ATP6V0D1: variants seen among roughly 807,000 people sequenced by gnomAD.
ATP6V0D1 encodes the protein ATPase H+ transporting V0 subunit d1.
In ATP6V0D1, 13 loss-of-function variants were observed where a neutral mutation model predicts 39.0. That is an observed-to-expected ratio of 0.33 (90% CI 0.22 to 0.53). The LOEUF (loss-of-function observed/expected upper bound fraction) is 0.53. Ranked by LOEUF, ATP6V0D1 falls within the 20% of genes least tolerant of loss-of-function variation. ATP6V0D1 has a pLI of 0.94. For synonymous variants in ATP6V0D1, 191 were observed against 191.2 expected (o/e 1.00, Z 0.01); for missense variants, 272 against 470.9 (o/e 0.58, Z 3.91).
intron 2 of ATP6V0D1, chr16:67,452,430 C>A (rs955430276): frequency 2.9e-5 from 44 of 1,532,406 alleles, no homozygotes; most frequent in Non-Finnish European, 3.8e-5. Flanking sequence ...CTCCTAACTG[C>A]AGGGGATAAG....
At chr16:67,477,608 ATTAC>A (rs2041426213) in intron 1 of ATP6V0D1, among the ~76,000 whole-genome samples, 1 of 152,108 alleles carries the variant, frequency 6.6e-6, no homozygotes, top group South Asian at 2.1e-4. Flanking sequence ...TTAGATGATT[ATTAC>A]TTAGGGGCTC....
chr16:67,472,788 TGAACCCAGGAG>T (rs1268481622), intron 1 of ATP6V0D1, among the ~76,000 whole-genome samples: 2 of 152,066 alleles, frequency 1.3e-5, no homozygotes, highest in African/African-American at 4.8e-5. Flanking sequence ...GAGAATGGCG[TGAACCCAGGAG>T]GCGGAGCTTG....
At chr16:67,462,138 C>G (rs970060561) in intron 1 of ATP6V0D1, among the ~76,000 whole-genome samples, 18 of 152,166 alleles carry the variant, frequency 1.2e-4, no homozygotes, top group Non-Finnish European at 2.1e-4. Flanking sequence ...GCCTGGACAG[C>G]CCGTCACCAG....
At position 67,447,627 on chromosome 16, in the gene ATP6V0D1, C is replaced by T. The variant is rs1250340629; in HGVS notation, c.303-2921G>A. 1.3e-5 allele frequency among the ~76,000 whole-genome samples: 2 copies of T among 152,218 alleles called. No individual in the cohort carries two copies. The highest frequency in any genetic ancestry group is 2.1e-4 in the South Asian group (1 of 4,836). ...GGCCCTTGTGGGGTGGGGGTGGGGC[C>T]GTCTGTATTCCTCTGCCCAGAGGCC... On this transcript the variant is annotated intron_variant, in intron 2 of 7. Coordinates refer to ENST00000290949, the MANE Select transcript of ATP6V0D1 (RefSeq NM_004691.5). The surrounding 1 kb of genome is among the most constrained non-coding windows in gnomAD (Gnocchi z 4.1).
chr16:67,466,266 C>T (rs1342435110), intron 1 of ATP6V0D1, among the ~76,000 whole-genome samples: 1 of 147,116 alleles, frequency 6.8e-6, no homozygotes. Context: ...AGATCACCTG[C>T]GGTCGAGGGC....
chr16:67,469,361 T>C (rs1479221837), intron 1 of ATP6V0D1, among the ~76,000 whole-genome samples: 2 of 151,992 alleles, frequency 1.3e-5, no homozygotes, highest in Admixed American at 1.3e-4. Flanking sequence ...TATATGCCAG[T>C]GCAAGATGTA....
rs2041135567 is a variant in ATP6V0D1 at position 67,447,864 on chromosome 16, C to T, written c.303-3158G>A. Among the ~76,000 whole-genome samples, 2 of 152,184 alleles carry T rather than the reference C, an allele frequency of 1.3e-5. No homozygotes were observed. The highest frequency in any genetic ancestry group is 2.9e-5 in the Non-Finnish European group (2 of 68,034). ...TGAGGCAGCCATGATGCCTGGGTAA[C>T]CCTGCCAGCCTGTCCACTGCAGTCC... is the stretch of plus-strand genomic sequence containing the variant. On this transcript the variant is annotated intron_variant, in intron 2 of 7. Transcript: ENST00000290949. This position sits in a 1 kb window ranked among gnomAD's most constrained non-coding sequence, Gnocchi z 4.1.
chr16:67,439,053 CCA>C lies in ATP6V0D1; in HGVS notation c.732_733del (p.Cys244TrpfsTer6). 6.2e-7 allele frequency: 1 copy of C among 1,614,230 alleles called. No individual in the cohort carries two copies. The highest frequency in any genetic ancestry group is 8.5e-7 in the Non-Finnish European group (1 of 1,180,050). On this transcript the variant is annotated frameshift_variant, in exon 6 of 8. Coordinates refer to ENST00000290949, the MANE Select transcript of ATP6V0D1 (RefSeq NM_004691.5). LOFTEE classifies it high-confidence loss of function. ...CGCCAGGCCCTCAGGGTAGAGCCGC[CCA>C]CAGTGTGGAAAGAGCTTGGCACGGT...
At chr16:67,449,756 C>T (rs1325375496) in intron 2 of ATP6V0D1, among the ~76,000 whole-genome samples, 1 of 152,268 alleles carries the variant, frequency 6.6e-6, no homozygotes. Flanking sequence ...ACTGTCTATA[C>T]TATCACTGGT....
At chr16:67,466,326 T>TACACATAC (rs2041329212) in intron 1 of ATP6V0D1, among the ~76,000 whole-genome samples, 2 of 120,504 alleles carry the variant, frequency 1.7e-5, no homozygotes, top group Non-Finnish European at 3.4e-5. Context: ...AGTAAACACA[T>TACACATAC]ACACACACAC....
chr16:67,457,534 T>A, intron 1 of ATP6V0D1: 15 of 1,279,278 alleles, frequency 1.2e-5, no homozygotes, highest in Non-Finnish European at 1.4e-5. Flanking sequence ...CTTCCCCTCC[T>A]CGGAGGCAGC....
chr16:67,452,399 A>T (rs1477559302), intron 2 of ATP6V0D1: 1 of 1,535,546 alleles, frequency 6.5e-7, no homozygotes, highest in Non-Finnish European at 8.7e-7. Flanking sequence ...CTTCTTGAGC[A>T]AGTGGATCCT....
chr16:67,444,315 G>A lies in ATP6V0D1; in HGVS notation c.481+213C>T, dbSNP rs1358692365. Among the ~76,000 whole-genome samples the A allele has an allele frequency of 6.6e-6, 1 of 152,232 alleles. No individual in the cohort carries two copies. Among genetic ancestry groups the A allele is most frequent in the Non-Finnish European group, 1.5e-5 (1 of 68,036 alleles). On this transcript the variant is annotated intron_variant, in intron 3 of 7. Coordinates refer to ENST00000290949, the MANE Select transcript of ATP6V0D1 (RefSeq NM_004691.5). This position sits in a 1 kb window ranked among gnomAD's most constrained non-coding sequence, Gnocchi z 4.8. ...GTCCCAGTCAGGCCCTGGGTAGCCT[G>A]CCTGGCCCAGCAAAAGCAACAGGAC...
chr16:67,444,673 G>T lies in ATP6V0D1; in HGVS notation c.336C>A (p.Leu112=). The part of the protein sequence containing the change: ...YSYMIDNVIL[L]ITGTLHQRSI... ...AGCGCTGGTGCAGCGTGCCTGTGAT[G>T]AGCAGGATCACGTTGTCGATCATGT... is the stretch of plus-strand genomic sequence containing the variant. The change falls in exon 3 of 8, where the codon CTC becomes CTA. Residue 112 remains leucine (L), a synonymous_variant. Transcript: ENST00000290949. This position sits in a 1 kb window ranked among gnomAD's most constrained non-coding sequence, Gnocchi z 4.8. The T allele has an allele frequency of 1.2e-6, 2 of 1,608,374 alleles. No individual in the cohort carries two copies. The highest frequency in any genetic ancestry group is 2.2e-5 in the South Asian group (2 of 90,838).
intron 1 of ATP6V0D1, among the ~76,000 whole-genome samples, chr16:67,463,827 G>C (rs1207509308): frequency 2.6e-5 from 4 of 152,176 alleles, no homozygotes; most frequent in African/African-American, 7.2e-5. Flanking sequence ...AGGTGCGGGG[G>C]CAACAGTAAC....
In ATP6V0D1 at chr16:67,444,455, G is replaced by A. The variant is rs138620054; in HGVS notation, c.481+73C>T. The A allele has an allele frequency of 3.4e-4, 513 of 1,489,822 alleles. No homozygotes were observed. Among genetic ancestry groups the A allele is most frequent in the Non-Finnish European group, 4.2e-4 (466 of 1,109,238 alleles). 92.3% of individuals were successfully genotyped at this position (1,489,822 alleles called of 1,614,324 possible). ...CTGGCTCAGGGTCGCCCCCCAGCGG[G>A]TCCACAAACCCCACCCTGATGCGCT... On this transcript the variant is annotated intron_variant, in intron 3 of 7. Transcript: ENST00000290949. This position sits in a 1 kb window ranked among gnomAD's most constrained non-coding sequence, Gnocchi z 4.8.
chr16:67,451,671 A>T (rs1229406860), intron 2 of ATP6V0D1, among the ~76,000 whole-genome samples: 4 of 152,206 alleles, frequency 2.6e-5, no homozygotes, highest in Non-Finnish European at 4.4e-5. Flanking sequence ...CTTCTGAGTG[A>T]GGGGAGGAGT....
chr16:67,450,132 GCCTGGAGGACTGTACTCT>G (rs2041161841), intron 2 of ATP6V0D1, among the ~76,000 whole-genome samples: 1 of 152,170 alleles, frequency 6.6e-6, no homozygotes, highest in Admixed American at 6.5e-5. Context: ...TGCTTCTACT[GCCTGGAGGACTGTACTCT>G]CCTGAGTATA....
intron 4 of ATP6V0D1, chr16:67,440,357 T>A (rs1170920138): frequency 1.3e-5 from 2 of 152,092 alleles, no homozygotes; most frequent in African/African-American, 4.8e-5. Flanking sequence ...AGGCCCCAGG[T>A]CCCTCCCAAC....
Sources: gnomAD v4.1 joint callset for allele counts (sites outside exome capture counted in the v4.1 genomes callset) on GRCh38, gnomAD v4.1.1 for gene constraint, Gnocchi (gnomAD v3.1) non-coding constraint, MANE v1.5 for transcripts, NCBI Gene and HGNC (gene_info 2026-07-23, HGNC 2026-07-21) for gene names.